The following SIX1 variants were observed in gnomAD, a reference collection of about 807,000 sequenced individuals.
SIX1 encodes the protein SIX homeobox 1, also known as homeobox protein SIX1.
SIX1 carries 11 observed loss-of-function variants against 26.5 expected under a neutral mutation model. That is an observed-to-expected ratio of 0.41 (90% CI 0.26 to 0.69). The LOEUF is 0.69. Ranked by LOEUF, SIX1 falls within the 30% of genes least tolerant of loss-of-function variation. The probability of loss-of-function intolerance (pLI) is 0.28; values close to 1 mark genes in which losing one functional copy is unlikely to be tolerated. For missense variants in SIX1, 333 were observed against 365.9 expected (o/e 0.91, Z 0.73); for synonymous variants, 177 against 166.2 (o/e 1.06, Z -0.50).
chr14:60,646,688 A>G, intron 1 of SIX1, 111 bp from the exon 2 acceptor site: 1 of 962,328 alleles, frequency 1.0e-6, no homozygotes, highest in Non-Finnish European at 1.5e-6. Context: ...GGAAAGGGCC[A>G]TTGTGCAATC....
In SIX1 at chr14:60,649,210, C is replaced by T. The variant is rs533496677; in HGVS notation, c.-21G>A. The T allele has an allele frequency of 1.2e-6, 2 of 1,600,330 alleles. No individual in the cohort carries two copies. Among genetic ancestry groups the T allele is most frequent in the African/African-American group, 2.7e-5 (2 of 74,984 alleles). Reference sequence around the variant, plus strand: ...GACATGGCTGGGGCCTGCCGGGGCGCACGGCCCAGGCGCACGCGGCAGGGA... The same window carrying T: ...GACATGGCTGGGGCCTGCCGGGGCGTACGGCCCAGGCGCACGCGGCAGGGA... On this transcript the variant is annotated 5_prime_UTR_variant, in exon 1 of 2. Coordinates refer to ENST00000645694, the MANE Select transcript of SIX1 (RefSeq NM_005982.4). This position sits in a 1 kb window ranked among gnomAD's most constrained non-coding sequence, Gnocchi z 5.1.
rs1488634497 is a variant in SIX1 at position 60,649,288 on chromosome 14, C to A, written c.-99G>T. On this transcript the variant is annotated 5_prime_UTR_variant, in exon 1 of 2. Coordinates refer to ENST00000645694, the MANE Select transcript of SIX1 (RefSeq NM_005982.4). This position sits in a 1 kb window ranked among gnomAD's most constrained non-coding sequence, Gnocchi z 5.1. ...CCGCAGGGAGGGGGGCGCGGCTGTT[C>A]CTAACCTCCTCCTTAGGCTTTGCAA... 1 of 1,063,486 alleles carries A rather than the reference C, an allele frequency of 9.4e-7. No individual in the cohort carries two copies. Among genetic ancestry groups the A allele is most frequent in the African/African-American group, 1.6e-5 (1 of 63,824 alleles). The allele number at this position is 1,063,486 out of a possible 1,614,324, so 65.9% of individuals were successfully genotyped here.
Position 60,643,977 on chromosome 14 carries a change from G to C in SIX1, c.*2306C>G, listed in dbSNP as rs887011320. 2 of 152,250 alleles carry C rather than the reference G, an allele frequency of 1.3e-5. No individual in the cohort carries two copies. Among genetic ancestry groups the C allele is most frequent in the Admixed American group, 6.5e-5 (1 of 15,288 alleles). The allele number at this position is 152,250 out of a possible 1,614,324, so 9.4% of individuals were successfully genotyped here. ...GATTCACCAACTAAGGGAGCAGGAAGTGGGCCGGGGCGCCCTGCGAGACAC... is the reference window on the plus strand; with the variant it reads ...GATTCACCAACTAAGGGAGCAGGAACTGGGCCGGGGCGCCCTGCGAGACAC... On this transcript the variant is annotated 3_prime_UTR_variant, in exon 2 of 2. Coordinates refer to ENST00000645694, the MANE Select transcript of SIX1 (RefSeq NM_005982.4).
chr14:60,647,907 G>T lies in SIX1; in HGVS notation c.560+723C>A, dbSNP rs963736898. Among the ~76,000 whole-genome samples, 12 of 152,224 alleles carry T rather than the reference G, an allele frequency of 7.9e-5. No individual in the cohort carries two copies. Among genetic ancestry groups the T allele is most frequent in the Non-Finnish European group, 2.9e-5 (2 of 68,042 alleles). The stretch of plus-strand genomic sequence containing the variant: ...CCAGTGCGAGAGAGGGCTGCGACTG[G>T]AGACCCTTTCCTCGTCTGGGCATGC... On this transcript the variant is annotated intron_variant, in intron 1 of 1. Coordinates refer to ENST00000645694, the MANE Select transcript of SIX1 (RefSeq NM_005982.4). This position sits in a 1 kb window ranked among gnomAD's most constrained non-coding sequence, Gnocchi z 5.1.
chr14:60,649,086 C>T lies in SIX1; in HGVS notation c.104G>A (p.Trp35Ter), dbSNP rs1032525136. The change falls in exon 1 of 2, where the codon TGG becomes TAG. Residue 35 changes from tryptophan (W) to a stop codon, truncating the protein, a stop_gained. Coordinates refer to ENST00000645694, the MANE Select transcript of SIX1 (RefSeq NM_005982.4). LOFTEE classifies it high-confidence loss of function. The surrounding 1 kb of genome is among the most constrained non-coding windows in gnomAD (Gnocchi z 5.1). ...GNLERLGRFL[W>*]SLPACDHLHK... ...CAGGTGGTCGCAGGCGGGCAGTGAC[C>T]ACAGGAACCTGCCCAGGCGCTCCAG... 1 of 1,613,582 alleles carries T rather than the reference C, an allele frequency of 6.2e-7. No individual in the cohort carries two copies. The highest frequency in any genetic ancestry group is 8.5e-7 in the Non-Finnish European group (1 of 1,179,788).
In SIX1 at chr14:60,648,632, T is replaced by C. The variant is rs1594673097; in HGVS notation, c.558A>G (p.Glu186=). Residue 186 remains glutamate (E), a splice_region_variant and synonymous_variant, in exon 1 of 2, where the codon GAA becomes GAG. Transcript: ENST00000645694. The surrounding 1 kb of genome is among the most constrained non-coding windows in gnomAD (Gnocchi z 7.9). Reference sequence around the variant, plus strand: ...GTCGCGGGAAGCACGCCGCGTACCTTTCCTTGGCCTCCGCGGCCCGGTCTC... The same window carrying C: ...GTCGCGGGAAGCACGCCGCGTACCTCTCCTTGGCCTCCGCGGCCCGGTCTC... ...RQRDRAAEAK[E]RENTENNNSS... 1.2e-6 allele frequency: 2 copies of C among 1,612,318 alleles called. No homozygotes were observed. The highest frequency in any genetic ancestry group is 1.3e-5 in the African/African-American group (1 of 75,004).
chr14:60,648,402 G>A lies in SIX1; in HGVS notation c.560+228C>T, dbSNP rs1488686815. ...TATTTCCCGACACTCACATCCCAGA[G>A]AAACCCACGCGCGGGTGCTCAAAGC... On this transcript the variant is annotated intron_variant, in intron 1 of 1. Transcript: ENST00000645694. The surrounding 1 kb of genome is among the most constrained non-coding windows in gnomAD (Gnocchi z 7.9). Among the ~76,000 whole-genome samples, 1 of 152,210 alleles carries A rather than the reference G, an allele frequency of 6.6e-6. No individual in the cohort carries two copies. Among genetic ancestry groups the A allele is most frequent in the African/African-American group, 2.4e-5 (1 of 41,456 alleles).
Position 60,649,204 on chromosome 14 carries a change from G to C in SIX1, c.-15C>G, listed in dbSNP as rs761639693. 1 of 1,602,354 alleles carries C rather than the reference G, an allele frequency of 6.2e-7. No individual in the cohort carries two copies. The highest frequency in any genetic ancestry group is 8.5e-7 in the Non-Finnish European group (1 of 1,179,130). ...AGCATCGACATGGCTGGGGCCTGCC[G>C]GGGCGCACGGCCCAGGCGCACGCGG... is the stretch of plus-strand genomic sequence containing the variant. On this transcript the variant is annotated 5_prime_UTR_variant, in exon 1 of 2. Coordinates refer to ENST00000645694, the MANE Select transcript of SIX1 (RefSeq NM_005982.4). This position sits in a 1 kb window ranked among gnomAD's most constrained non-coding sequence, Gnocchi z 5.1.
intron 1 of SIX1, 122 bp from the exon 2 acceptor site, chr14:60,646,699 TGTCACCAACCC>T: frequency 1.2e-6 from 1 of 861,662 alleles, no homozygotes; most frequent in Non-Finnish European, 1.8e-6. Flanking sequence ...TTGTGCAATC[TGTCACCAACCC>T]AAATGGAGGA....
rs748718182 is a variant in SIX1 at position 60,649,024 on chromosome 14, C to G, written c.166G>C (p.Val56Leu). ...CGGAAGTTGCCGCGGTGGAAGGCGA[C>G]CACCGCCTTGGCCTTGAGTACGCTC... ...NESVLKAKAV[V>L]AFHRGNFREL... is the part of the protein sequence containing the mutation. Residue 56 changes from valine (V) to leucine (L), a missense_variant, in exon 1 of 2, where the codon GTC becomes CTC. By Grantham distance (32) the Val-to-Leu change is conservative (BLOSUM62 1). Coordinates refer to ENST00000645694, the MANE Select transcript of SIX1 (RefSeq NM_005982.4). This position sits in a 1 kb window ranked among gnomAD's most constrained non-coding sequence, Gnocchi z 5.1. 2 of 1,613,984 alleles carry G rather than the reference C, an allele frequency of 1.2e-6. No homozygotes were observed. The highest frequency in any genetic ancestry group is 1.7e-6 in the Non-Finnish European group (2 of 1,180,000).
chr14:60,646,121 T>C lies in SIX1; in HGVS notation c.*162A>G, dbSNP rs1894935878. On this transcript the variant is annotated 3_prime_UTR_variant, in exon 2 of 2. Transcript: ENST00000645694. ...TTAAGCTTGAGATCGCTGTTGGTTT[T>C]GATTTTTAAAAAGATATTTGTGAAA... The C allele has an allele frequency of 4.5e-6, 3 of 667,312 alleles. No homozygotes were observed. Among genetic ancestry groups the C allele is most frequent in the African/African-American group, 1.8e-5 (1 of 55,178 alleles). The allele number at this position is 667,312 out of a possible 1,614,324, so 41.3% of individuals were successfully genotyped here.
rs957189567 is a variant in SIX1, at chr14:60,643,489, G to C, written c.*2794C>G. 2.7e-5 allele frequency: 4 copies of C among 147,838 alleles called. No individual in the cohort carries two copies. In the East Asian group the frequency reaches 6.0e-4, roughly 22 times the overall value. 9.2% of individuals were successfully genotyped at this position (147,838 alleles called of 1,614,324 possible). A position where few individuals can be genotyped will look rare whatever the true frequency, so the allele number is the denominator to read the frequency against. Reference sequence around the variant, plus strand: ...TCGTCCTACAAACTATTTATAAGCCGTTGTTCATTACTTTTGGCTACCGTT... The same window carrying C: ...TCGTCCTACAAACTATTTATAAGCCCTTGTTCATTACTTTTGGCTACCGTT... On this transcript the variant is annotated 3_prime_UTR_variant, in exon 2 of 2. Transcript: ENST00000645694.
chr14:60,647,522 C>A lies in SIX1; in HGVS notation c.561-945G>T, dbSNP rs1260541094. 6.6e-6 allele frequency among the ~76,000 whole-genome samples: 1 copy of A among 152,206 alleles called. No homozygotes were observed. The highest frequency in any genetic ancestry group is 1.9e-4 in the East Asian group (1 of 5,192). On this transcript the variant is annotated intron_variant, in intron 1 of 1. Coordinates refer to ENST00000645694, the MANE Select transcript of SIX1 (RefSeq NM_005982.4). This position sits in a 1 kb window ranked among gnomAD's most constrained non-coding sequence, Gnocchi z 5.1. Reference sequence around the variant, plus strand: ...GCTCGTCAGTCCTCCCGACTCCTAGCGCCTGTCTGTCTCCTTTCTTTCCCC... The same window carrying A: ...GCTCGTCAGTCCTCCCGACTCCTAGAGCCTGTCTGTCTCCTTTCTTTCCCC...
chr14:60,648,545 G>C lies in SIX1; in HGVS notation c.560+85C>G. The C allele has an allele frequency of 7.3e-7, 1 of 1,379,174 alleles. No individual in the cohort carries two copies. Among genetic ancestry groups the C allele is most frequent in the Non-Finnish European group, 1.0e-6 (1 of 1,000,210 alleles). 85.4% of individuals were successfully genotyped at this position (1,379,174 alleles called of 1,614,324 possible). A position where few individuals can be genotyped will look rare whatever the true frequency, so the allele number is the denominator to read the frequency against. On this transcript the variant is annotated intron_variant, in intron 1 of 1. Coordinates refer to ENST00000645694, the MANE Select transcript of SIX1 (RefSeq NM_005982.4). The surrounding 1 kb of genome is among the most constrained non-coding windows in gnomAD (Gnocchi z 7.9). Reference sequence around the variant, plus strand: ...TCCGGCCGGCGGGGAGGACTTGGTGGCTGGTGCCTGCGGGGGCGGGAGGGG... The same window carrying C: ...TCCGGCCGGCGGGGAGGACTTGGTGCCTGGTGCCTGCGGGGGCGGGAGGGG...
In SIX1 at chr14:60,646,230, G is replaced by T; in HGVS notation, c.*53C>A. The T allele has an allele frequency of 6.4e-7, 1 of 1,553,392 alleles. No homozygotes were observed. Among genetic ancestry groups the T allele is most frequent in the Non-Finnish European group, 8.8e-7 (1 of 1,134,714 alleles). On this transcript the variant is annotated 3_prime_UTR_variant, in exon 2 of 2. Coordinates refer to ENST00000645694, the MANE Select transcript of SIX1 (RefSeq NM_005982.4). The stretch of plus-strand genomic sequence containing the variant: ...TTTCTATTTACAAGTGTCCCTAGTC[G>T]CTGCAGTGGTTGCTGCTCCAGGAAT...
Position 60,648,995 on chromosome 14 carries a change from C to G in SIX1, c.195G>C (p.Glu65Asp). Residue 65 changes from glutamate (E) to aspartate (D), a missense_variant, in exon 1 of 2, where the codon GAG becomes GAC. This residue lies in a region of SIX1 where 133 missense variants were observed against 131.8 expected (regional missense o/e 1.01). Transcript: ENST00000645694. This position sits in a 1 kb window ranked among gnomAD's most constrained non-coding sequence, Gnocchi z 7.9. ...VVAFHRGNFR[E>D]LYKILESHQF... is the part of the protein sequence containing the mutation. ...GGTGGCTCTCCAGGATCTTGTAGAGCTCACGGAAGTTGCCGCGGTGGAAGG... is the reference window on the plus strand; with the variant it reads ...GGTGGCTCTCCAGGATCTTGTAGAGGTCACGGAAGTTGCCGCGGTGGAAGG... 6.2e-7 allele frequency: 1 copy of G among 1,614,200 alleles called. No individual in the cohort carries two copies. The highest frequency in any genetic ancestry group is 8.5e-7 in the Non-Finnish European group (1 of 1,180,030).
chr14:60,649,124 C>A lies in SIX1; in HGVS notation c.66G>T (p.Gln22His). The change falls in exon 1 of 2, where the codon CAG becomes CAT. Residue 22 changes from glutamine (Q) to histidine (H), a missense_variant. Transcript: ENST00000645694. This position sits in a 1 kb window ranked among gnomAD's most constrained non-coding sequence, Gnocchi z 5.1. ...CCAGGCGCTCCAGGTTTCCGCCTTGCTGCAGAACCTCGCACACGCACGCCA... is the reference window on the plus strand; with the variant it reads ...CCAGGCGCTCCAGGTTTCCGCCTTGATGCAGAACCTCGCACACGCACGCCA... ...EQVACVCEVL[Q>H]QGGNLERLGR... is the part of the protein sequence containing the mutation. 3 of 1,613,176 alleles carry A rather than the reference C, an allele frequency of 1.9e-6. No individual in the cohort carries two copies. Among genetic ancestry groups the A allele is most frequent in the Non-Finnish European group, 2.5e-6 (3 of 1,179,876 alleles).
In SIX1 at chr14:60,648,208, CCT is replaced by C. The variant is rs749466142; in HGVS notation, c.560+420_560+421del. On this transcript the variant is annotated intron_variant, in intron 1 of 1. Coordinates refer to ENST00000645694, the MANE Select transcript of SIX1 (RefSeq NM_005982.4). This position sits in a 1 kb window ranked among gnomAD's most constrained non-coding sequence, Gnocchi z 7.9. ...GCCAATGTCTCAGGCCAGCTTCACC[CCT>C]CTGGGGAGCAAGAGGAGAGAGGTTC... Among the ~76,000 whole-genome samples the C allele has an allele frequency of 9.5e-4, 145 of 152,266 alleles. No individual in the cohort carries two copies. The highest frequency in any genetic ancestry group is 1.6e-3 in the Non-Finnish European group (106 of 68,020).
rs767888720 is a variant in SIX1 at position 60,646,597 on chromosome 14, A to G, written c.561-20T>C. The G allele has an allele frequency of 4.1e-6, 6 of 1,473,282 alleles. No homozygotes were observed. Among genetic ancestry groups the G allele is most frequent in the Non-Finnish European group, 4.6e-6 (5 of 1,092,440 alleles). 91.3% of individuals were successfully genotyped at this position (1,473,282 alleles called of 1,614,324 possible). The stretch of plus-strand genomic sequence containing the variant: ...TTCTCCCTAAGAAATAGAGGACAAC[A>G]CCATATGGTTAAAAAAAAAAAAAAA... On this transcript the variant is annotated intron_variant, in intron 1 of 1. Transcript: ENST00000645694.
Sources: allele counts gnomAD v4.1 joint callset (sites outside exome capture counted in the v4.1 genomes callset), GRCh38; gene constraint gnomAD v4.1.1; regional missense constraint gnomAD v4.1.1; non-coding constraint Gnocchi (gnomAD v3.1); transcripts MANE v1.5; gene names NCBI Gene and HGNC (gene_info 2026-07-23, HGNC 2026-07-21).